The following CDH4 variants were observed in gnomAD, a reference collection of about 807,000 sequenced individuals.
CDH4 encodes cadherin 4, also known as cadherin-4.
A neutral mutation model predicts 86.0 loss-of-function variants in CDH4; 33 were observed. That is an observed-to-expected ratio of 0.38 (90% CI 0.29 to 0.51). The LOEUF (loss-of-function observed/expected upper bound fraction) is 0.51. Among genes scored for constraint, CDH4 ranks in the 20% least tolerant of loss-of-function variants. The probability of loss-of-function intolerance (pLI) is 0.86; values close to 1 mark genes in which losing one functional copy is unlikely to be tolerated. For missense variants in CDH4, 1,114 were observed against 1,307.4 expected (o/e 0.85, Z 2.28); for synonymous variants, 555 against 549.4 (o/e 1.01, Z -0.14).
rs912874163 is a variant in CDH4, at chr20:61,518,973, C to T, written c.170-224590C>T. Among the ~76,000 whole-genome samples the T allele has an allele frequency of 3.3e-5, 5 of 152,096 alleles. No homozygotes were observed. Among genetic ancestry groups the T allele is most frequent in the African/African-American group, 7.2e-5 (3 of 41,412 alleles). On this transcript the variant is annotated intron_variant, in intron 2 of 15. Transcript: ENST00000614565. The surrounding 1 kb of genome is among the most constrained non-coding windows in gnomAD (Gnocchi z 6.3). ...TCTATCCATCCATTATTTATCCATC[C>T]ATCCATCCTTCATCCATCCATTCAT...
intron 2 of CDH4, among the ~76,000 whole-genome samples, chr20:61,338,221 G>C (rs2084629955): frequency 6.6e-6 from 1 of 152,066 alleles, no homozygotes; most frequent in African/African-American, 2.4e-5. Flanking sequence ...TACAGATTTT[G>C]CTTAAAAACA....
chr20:61,691,003 G>C (rs1019473449), intron 2 of CDH4, among the ~76,000 whole-genome samples: 1 of 152,170 alleles, frequency 6.6e-6, no homozygotes, highest in Non-Finnish European at 1.5e-5. Context: ...TTCCTGGGTC[G>C]AGATGAACTC....
intron 2 of CDH4, among the ~76,000 whole-genome samples, chr20:61,382,138 G>C (rs912656129): frequency 1.3e-5 from 2 of 152,116 alleles, no homozygotes; most frequent in Non-Finnish European, 2.9e-5. Flanking sequence ...AATGTTTAAT[G>C]GAAAGGATAC....
At chr20:61,716,601 C>G (rs751719037) in intron 2 of CDH4, among the ~76,000 whole-genome samples, 9 of 152,192 alleles carry the variant, frequency 5.9e-5, no homozygotes, top group Non-Finnish European at 1.3e-4. Flanking sequence ...CACCAAAGCC[C>G]TTCGCTTCAT....
At chr20:61,529,081 A>C (rs1445730333) in intron 2 of CDH4, among the ~76,000 whole-genome samples, 3 of 152,262 alleles carry the variant, frequency 2.0e-5, no homozygotes, top group Non-Finnish European at 4.4e-5. Context: ...TCAAATCCAT[A>C]GGAAGGAATG....
At chr20:61,565,283 G>A (rs1384150757) in intron 2 of CDH4, among the ~76,000 whole-genome samples, 1 of 101,744 alleles carries the variant, frequency 9.8e-6, no homozygotes, top group Non-Finnish European at 2.0e-5. Context: ...TCTTGGTGAT[G>A]GGGTGATGGT....
chr20:61,707,666 TAATG>T (rs1478017741), intron 2 of CDH4, among the ~76,000 whole-genome samples: 1 of 152,200 alleles, frequency 6.6e-6, no homozygotes, highest in African/African-American at 2.4e-5. Flanking sequence ...TTGTGGAAGA[TAATG>T]AAGACAATTT....
chr20:61,884,934 G>T (rs981348646), intron 7 of CDH4, among the ~76,000 whole-genome samples: 1 of 152,108 alleles, frequency 6.6e-6, no homozygotes, highest in Non-Finnish European at 1.5e-5. Flanking sequence ...CATAGGGTAG[G>T]CCCCAGGTCC....
rs2084918115 is a variant in CDH4, at chr20:61,383,278, T to TGTG, written c.169+128341_169+128342insGTG. Among the ~76,000 whole-genome samples the TGTG allele has an allele frequency of 6.1e-5, 8 of 131,212 alleles. No homozygotes were observed. The South Asian group carries it at 1.8e-3, about 29-fold the overall frequency. 86.1% of individuals were successfully genotyped at this position (131,212 alleles called of 152,430 possible). On this transcript the variant is annotated intron_variant, in intron 2 of 15. Transcript: ENST00000614565. ...TGAATATATGTGATATATATGAATA[T>TGTG]ATGATATATATGAATATATGTGATA...
intron 2 of CDH4, among the ~76,000 whole-genome samples, chr20:61,275,427 TGGG>T (rs1190406262): frequency 4.4e-5 from 3 of 67,748 alleles, no homozygotes; most frequent in African/African-American, 1.8e-4. Flanking sequence ...GGGGGAGTAT[TGGG>T]GGAGTACCGT....
In CDH4 at chr20:61,666,733, C is replaced by T. The variant is rs187846684; in HGVS notation, c.170-76830C>T. On this transcript the variant is annotated intron_variant, in intron 2 of 15. Transcript: ENST00000614565. Reference sequence around the variant, plus strand: ...AGATCGCCACTCTCCACACACAGCTCCTGGCTGACCAGATCTTACCCTCGA... The same window carrying T: ...AGATCGCCACTCTCCACACACAGCTTCTGGCTGACCAGATCTTACCCTCGA... Among the ~76,000 whole-genome samples the T allele has an allele frequency of 3.0e-3, 459 of 152,350 alleles. 3 individuals are homozygous for T. The highest frequency in any genetic ancestry group is 4.3e-3 in the Admixed American group (66 of 15,304).
chr20:61,421,137 C>T (rs768441895), intron 2 of CDH4, among the ~76,000 whole-genome samples: 11 of 152,172 alleles, frequency 7.2e-5, no homozygotes, highest in Non-Finnish European at 1.3e-4. Context: ...AGCCCTTTTC[C>T]GTGGGGACCC....
chr20:61,369,450 C>CAAAAAAAAA (rs144885482), intron 2 of CDH4, among the ~76,000 whole-genome samples: 1 of 56,586 alleles, frequency 1.8e-5, no homozygotes, highest in Non-Finnish European at 3.0e-5. Flanking sequence ...GACTCTGTCT[C>CAAAAAAAAA]AAAAAAAAAA....
In CDH4 at chr20:61,906,444, C is replaced by T. The variant is rs117766933; in HGVS notation, c.1189-3978C>T. ...GGGTGACATGGCCGCAGGACCGGAGCGGCATGGTCCTGCTCAACCCTCCCA... is the reference window on the plus strand; with the variant it reads ...GGGTGACATGGCCGCAGGACCGGAGTGGCATGGTCCTGCTCAACCCTCCCA... On this transcript the variant is annotated intron_variant, in intron 8 of 15. Coordinates refer to ENST00000614565, the MANE Select transcript of CDH4 (RefSeq NM_001794.5). Among the ~76,000 whole-genome samples, 468 of 152,374 alleles carry T rather than the reference C, an allele frequency of 3.1e-3. 20 individuals carry two copies. In the East Asian group the frequency reaches 0.072, roughly 24 times the overall value.
intron 9 of CDH4, among the ~76,000 whole-genome samples, chr20:61,920,038 T>C (rs1252816734): frequency 1.0e-4 from 13 of 126,452 alleles, no homozygotes; most frequent in African/African-American, 3.4e-4. Context: ...GTCGTGATTG[T>C]GTGGAAGCAT....
At chr20:61,840,195 C>T (rs967777041) in intron 4 of CDH4, among the ~76,000 whole-genome samples, 5 of 152,148 alleles carry the variant, frequency 3.3e-5, no homozygotes, top group Admixed American at 6.5e-5. Context: ...GAGACCTTCC[C>T]GACCGTGCAC....
intron 2 of CDH4, among the ~76,000 whole-genome samples, chr20:61,495,130 C>T (rs976500842): frequency 6.6e-6 from 1 of 152,180 alleles, no homozygotes; most frequent in Non-Finnish European, 1.5e-5. Flanking sequence ...CTGTAGGAGC[C>T]GATGCTATTT....
chr20:61,887,485 A>C (rs1984598720), intron 7 of CDH4, among the ~76,000 whole-genome samples: 1 of 152,212 alleles, frequency 6.6e-6, no homozygotes, highest in South Asian at 2.1e-4. Context: ...ACGCACACAC[A>C]GGCATGCACA....
At chr20:61,478,256 T>C (rs567753445) in intron 2 of CDH4, among the ~76,000 whole-genome samples, 2 of 152,190 alleles carry the variant, frequency 1.3e-5, no homozygotes, top group East Asian at 3.9e-4. Context: ...GGAGCTGTCA[T>C]CTCTGCCAGA....
Sources: allele counts gnomAD v4.1 joint callset (sites outside exome capture counted in the v4.1 genomes callset), GRCh38; gene constraint gnomAD v4.1.1; non-coding constraint Gnocchi (gnomAD v3.1); transcripts MANE v1.5; gene names NCBI Gene and HGNC (gene_info 2026-07-23, HGNC 2026-07-21).